SCUBE1: variants seen among roughly 807,000 people sequenced by gnomAD.
SCUBE1 encodes the protein signal peptide, CUB domain and EGF like domain containing 1.
A neutral mutation model predicts 124.4 loss-of-function variants in SCUBE1; 59 were observed. The ratio of observed to expected loss-of-function variants is 0.47; its 90% confidence interval spans 0.38 to 0.59. The LOEUF is 0.59. Among genes scored for constraint, SCUBE1 ranks in the 20% least tolerant of loss-of-function variants. The pLI, the probability that SCUBE1 is intolerant of heterozygous loss-of-function variation, is 0.00. For synonymous variants in SCUBE1, 545 were observed against 550.9 expected (o/e 0.99, Z 0.15); for missense variants, 1,150 against 1,371.2 (o/e 0.84, Z 2.55).
At chr22:43,278,079 A>G (rs1270930942) in intron 4 of SCUBE1, among the ~76,000 whole-genome samples, 1 of 152,250 alleles carries the variant, frequency 6.6e-6, no homozygotes, top group Non-Finnish European at 1.5e-5. Flanking sequence ...AGCTGGGCTT[A>G]CCAGCCGAAA....
chr22:43,252,205 C>T (rs899942113), intron 6 of SCUBE1, among the ~76,000 whole-genome samples: 1 of 152,234 alleles, frequency 6.6e-6, no homozygotes, highest in Non-Finnish European at 1.5e-5. Context: ...TGGCCCAGGC[C>T]GCCGTGCTCG....
intron 4 of SCUBE1, among the ~76,000 whole-genome samples, chr22:43,264,482 G>A (rs533757415): frequency 6.6e-6 from 1 of 152,152 alleles, no homozygotes; most frequent in Non-Finnish European, 1.5e-5. Context: ...GGCCAGAGGC[G>A]GCTCTCGGTA....
rs1432343580 is a variant in SCUBE1, at chr22:43,200,326, A to C, written c.*3671T>G. On this transcript the variant is annotated 3_prime_UTR_variant, in exon 22 of 22. Transcript: ENST00000360835. ...CTCAGGCGACAGTCGAGGAGGGGCT[A>C]TGCCGGCCTCCCCTCAGACAGCATG... The C allele has an allele frequency of 6.6e-6, 1 of 152,332 alleles. No individual in the cohort carries two copies. Among genetic ancestry groups the C allele is most frequent in the African/African-American group, 2.4e-5 (1 of 41,470 alleles). 9.4% of individuals were successfully genotyped at this position (152,332 alleles called of 1,614,324 possible).
At chr22:43,329,321 C>CTG (rs1490704546) in intron 2 of SCUBE1, among the ~76,000 whole-genome samples, 2 of 152,242 alleles carry the variant, frequency 1.3e-5, no homozygotes, top group Non-Finnish European at 2.9e-5. Context: ...AGCTGACAGA[C>CTG]TGAGGCCAGC....
Position 43,208,116 on chromosome 22 carries a change from C to A in SCUBE1, c.2690G>T (p.Gly897Val). 1 of 1,614,128 alleles carries A rather than the reference C, an allele frequency of 6.2e-7. No individual in the cohort carries two copies. The highest frequency in any genetic ancestry group is 8.5e-7 in the Non-Finnish European group (1 of 1,180,020). Residue 897 changes from glycine to valine, a missense_variant, in exon 20 of 22, where the codon GGC (glycine) becomes GTC (valine). This residue lies in a region of SCUBE1 where 757 missense variants were observed against 840.9 expected (regional missense o/e 0.90). Coordinates refer to ENST00000360835, the MANE Select transcript of SCUBE1 (RefSeq NM_173050.5). ...KLWIQFKSNE[G>V]NSGKGFQVPY... ...CACTTGGAAGCCTTTGCCGCTGTTG[C>A]CTTCATTGGATTTGAACTGGATCCA...
chr22:43,220,978 G>A (rs1224303927), intron 13 of SCUBE1, among the ~76,000 whole-genome samples, 195 bp downstream of exon 13: 1 of 152,144 alleles, frequency 6.6e-6, no homozygotes, highest in African/African-American at 2.4e-5. Context: ...GGGGCCCCTC[G>A]TACCAAGCTT....
chr22:43,253,758 C>T (rs759268446), intron 6 of SCUBE1, among the ~76,000 whole-genome samples: 1 of 152,230 alleles, frequency 6.6e-6, no homozygotes, highest in Non-Finnish European at 1.5e-5. Context: ...CAACACAGCG[C>T]GGCCCTCTTC....
chr22:43,231,978 G>T lies in SCUBE1; in HGVS notation c.845-103C>A, dbSNP rs1922573434. 1.5e-5 allele frequency: 22 copies of T among 1,424,172 alleles called. No individual in the cohort carries two copies. In the South Asian group the frequency reaches 2.5e-4, roughly 16 times the overall value. The allele number at this position is 1,424,172 out of a possible 1,614,324, so 88.2% of individuals were successfully genotyped here. ...GCGGCAGGGGATGACACTGCCCTGA[G>T]TTGCCTGGTGCCCACTTCCCAAGCT... On this transcript the variant is annotated intron_variant, in intron 7 of 21. Coordinates refer to ENST00000360835, the MANE Select transcript of SCUBE1 (RefSeq NM_173050.5).
At position 43,326,552 on chromosome 22, in the gene SCUBE1, G is replaced by A. The variant is rs560925207; in HGVS notation, c.221-6487C>T. Among the ~76,000 whole-genome samples the A allele has an allele frequency of 2.6e-5, 4 of 152,234 alleles. No individual in the cohort carries two copies. In the East Asian group the frequency reaches 5.8e-4, roughly 22 times the overall value. ...TCTCTGAGGGCCCCTGGCATCCATC[G>A]ATCAGGTTTCCCTTCTGCAGAGACA... On this transcript the variant is annotated intron_variant, in intron 2 of 21. Transcript: ENST00000360835.
intron 14 of SCUBE1, 46 bp from the exon 15 acceptor site, chr22:43,218,504 T>C: frequency 5.0e-6 from 8 of 1,585,168 alleles, no homozygotes; most frequent in Non-Finnish European, 6.9e-6. Flanking sequence ...GCAACCTTGC[T>C]AGCCGCTGCC....
In SCUBE1 at chr22:43,291,133, C is replaced by T. The variant is rs770997063; in HGVS notation, c.397G>A (p.Val133Ile). ...CACTCGTAGCTGCCCATGGCATTGACGCAGATCTGCTGGCAGCCACCATTA... is the reference window on the plus strand; with the variant it reads ...CACTCGTAGCTGCCCATGGCATTGATGCAGATCTGCTGGCAGCCACCATTA... ...DNNGGCQQIC[V>I]NAMGSYECQC... Residue 133 changes from valine to isoleucine, a missense_variant, in exon 4 of 22, where the codon GTC (valine) becomes ATC (isoleucine). Around this residue, in one of 3 missense-constraint regions of SCUBE1, gnomAD observed 337 missense variants for 482.1 expected, o/e 0.70. Coordinates refer to ENST00000360835, the MANE Select transcript of SCUBE1 (RefSeq NM_173050.5). The T allele has an allele frequency of 1.4e-5, 23 of 1,613,476 alleles. No individual in the cohort carries two copies. Among genetic ancestry groups the T allele is most frequent in the East Asian group, 2.2e-5 (1 of 44,868 alleles).
At chr22:43,204,227 G>T in intron 21 of SCUBE1, 78 bp from the exon 22 acceptor site, 1 of 1,365,132 alleles carries the variant, frequency 7.3e-7, no homozygotes, top group Non-Finnish European at 1.0e-6. Context: ...GCTGGGGGAG[G>T]GGAGAGAGAT....
At chr22:43,228,022 C>T (rs933397371) in intron 9 of SCUBE1, among the ~76,000 whole-genome samples, 13 of 152,188 alleles carry the variant, frequency 8.5e-5, no homozygotes, top group East Asian at 3.9e-4. Flanking sequence ...TGCCTGCACT[C>T]GGCAGGCCCA....
At position 43,223,164 on chromosome 22, in the gene SCUBE1, G is replaced by A. The variant is rs200739208; in HGVS notation, c.1260C>T (p.Ser420=). The change falls in exon 11 of 22, where the codon TCC becomes TCT. Residue 420 remains serine, a synonymous_variant. Transcript: ENST00000360835. ...TCTCCACACCGCCTGCCTTGCTGCA[G>A]GACAGCTGGGCCCGGGGGGAGGTCT... ...RAKTSPRAQL[S]CSKAGGVESC... 1.3e-6 allele frequency: 2 copies of A among 1,570,364 alleles called. No homozygotes were observed. The highest frequency in any genetic ancestry group is 2.1e-5 in the Admixed American group (1 of 46,734).
At chr22:43,306,309 T>C (rs1271489769) in intron 3 of SCUBE1, among the ~76,000 whole-genome samples, 1 of 152,214 alleles carries the variant, frequency 6.6e-6, no homozygotes, top group African/African-American at 2.4e-5. Flanking sequence ...TATTTATTTA[T>C]TTTTTATTTT....
rs1569491772 is a variant in SCUBE1 at position 43,199,085 on chromosome 22, T to TTGTCTGTCTGCTGTCTGGGGCAGTTTGTC, written c.*4883_*4911dup. ...CTGTCTGCTGTCCGGGGCAGTTTGTTTGTCTGTCTGCTGTCTGGGGCAGTT... is the reference window on the plus strand; with the variant it reads ...CTGTCTGCTGTCCGGGGCAGTTTGTTTGTCTGTCTGCTGTCTGGGGCAGTTTGTCTGTCTGTCTGCTGTCTGGGGCAGTT... On this transcript the variant is annotated 3_prime_UTR_variant, in exon 22 of 22. Coordinates refer to ENST00000360835, the MANE Select transcript of SCUBE1 (RefSeq NM_173050.5). 8.4e-3 allele frequency: 644 copies of TTGTCTGTCTGCTGTCTGGGGCAGTTTGTC among 76,446 alleles called. 19 individuals are homozygous for TTGTCTGTCTGCTGTCTGGGGCAGTTTGTC. Among genetic ancestry groups the TTGTCTGTCTGCTGTCTGGGGCAGTTTGTC allele is most frequent in the South Asian group, 0.038 (633 of 16,816 alleles). The allele number at this position is 76,446 out of a possible 1,614,324, so 4.7% of individuals were successfully genotyped here.
intron 10 of SCUBE1, 150 bp downstream of exon 10, chr22:43,227,224 C>A: frequency 3.2e-6 from 3 of 939,040 alleles, no homozygotes; most frequent in Non-Finnish European, 4.7e-6. Context: ...ATCAGCCATA[C>A]CCCAACAGCA....
At chr22:43,307,708 C>A (rs1291473257) in intron 3 of SCUBE1, among the ~76,000 whole-genome samples, 1 of 152,200 alleles carries the variant, frequency 6.6e-6, no homozygotes, top group Non-Finnish European at 1.5e-5. Context: ...GTCTCCCGTT[C>A]AGCCACAGCG....
At chr22:43,307,024 AC>A (rs1369445260) in intron 3 of SCUBE1, among the ~76,000 whole-genome samples, 2 of 152,176 alleles carry the variant, frequency 1.3e-5, no homozygotes, top group Non-Finnish European at 2.9e-5. Flanking sequence ...CCAACATTCT[AC>A]CCCGTTACCC....
Sources: gnomAD v4.1 joint callset for allele counts (sites outside exome capture counted in the v4.1 genomes callset) on GRCh38, gnomAD v4.1.1 for gene constraint, gnomAD v4.1.1 regional missense constraint, MANE v1.5 for transcripts, NCBI Gene and HGNC (gene_info 2026-07-23, HGNC 2026-07-21) for gene names.